Variants in OR2L13 observed in about 807,000 individuals in gnomAD.
OR2L13 encodes the protein olfactory receptor family 2 subfamily L member 13.
A neutral mutation model predicts 15.3 loss-of-function variants in OR2L13; 14 were observed. That is an observed-to-expected ratio of 0.91 (90% confidence interval 0.60 to 1.43). The LOEUF is 1.43. OR2L13 is among the 40% of genes most tolerant of loss of function. The probability of loss-of-function intolerance (pLI) is 0.00; values close to 1 mark genes in which losing one functional copy is unlikely to be tolerated. For missense variants in OR2L13, 367 were observed against 387.9 expected (o/e 0.95, Z 0.45); for synonymous variants, 152 against 142.9 (o/e 1.06, Z -0.45).
the OR2L13 span, chr1:247,949,073 C>T: frequency 7.4e-6 from 12 of 1,613,978 alleles, no homozygotes; most frequent in Non-Finnish European, 9.3e-6. Context: ...ACCTAAATTA[C>T]ATCTCCACCA....
the OR2L13 span, among the ~76,000 whole-genome samples, chr1:247,945,556 G>T: frequency 6.6e-6 from 1 of 152,134 alleles, no homozygotes; most frequent in East Asian, 1.9e-4. Flanking sequence ...GAATATCTTT[G>T]TTAATTCTCT....
At chr1:248,020,655 T>C in the OR2L13 span, among the ~76,000 whole-genome samples, 45 of 152,276 alleles carry the variant, frequency 3.0e-4, no homozygotes, top group African/African-American at 8.9e-4. Context: ...GACTGTGAGT[T>C]ACATTTTGTG....
the OR2L13 span, among the ~76,000 whole-genome samples, chr1:247,958,615 T>G: frequency 6.6e-6 from 1 of 152,200 alleles, no homozygotes. Context: ...GCTTTATGAA[T>G]CTGGGTGCTC....
the OR2L13 span, among the ~76,000 whole-genome samples, chr1:247,986,045 C>G: frequency 6.6e-6 from 1 of 152,050 alleles, no homozygotes; most frequent in Admixed American, 6.6e-5. Context: ...AAAAATTTCT[C>G]CCATTCCGTA....
chr1:248,021,169 C>G, the OR2L13 span, among the ~76,000 whole-genome samples: 1 of 152,022 alleles, frequency 6.6e-6, no homozygotes, highest in East Asian at 1.9e-4. Flanking sequence ...TCAAACATTC[C>G]TATCCTTTTG....
chr1:248,026,783 G>T, the OR2L13 span, among the ~76,000 whole-genome samples: 2 of 152,060 alleles, frequency 1.3e-5, no homozygotes, highest in South Asian at 2.1e-4. Flanking sequence ...CAATCAATAC[G>T]CTTGTGATTT....
the OR2L13 span, among the ~76,000 whole-genome samples, chr1:247,962,021 C>T: frequency 6.6e-6 from 1 of 152,202 alleles, no homozygotes; most frequent in Non-Finnish European, 1.5e-5. Flanking sequence ...CCAGTGTGAT[C>T]ATATGATCCC....
chr1:247,954,024 A>T, the OR2L13 span, among the ~76,000 whole-genome samples: 2 of 151,858 alleles, frequency 1.3e-5, no homozygotes, highest in South Asian at 4.2e-4. Context: ...TAGATTTCAC[A>T]CTCTTGTGAG....
the OR2L13 span, among the ~76,000 whole-genome samples, chr1:248,024,618 T>C: frequency 3.9e-5 from 6 of 152,204 alleles, no homozygotes; most frequent in Non-Finnish European, 8.8e-5. Flanking sequence ...TTCAGCTTTC[T>C]ACATATGGCT....
the OR2L13 span, among the ~76,000 whole-genome samples, chr1:248,088,990 C>A: frequency 2.6e-5 from 4 of 151,994 alleles, no homozygotes; most frequent in African/African-American, 4.8e-5. Flanking sequence ...TGACACTGAC[C>A]GGAGTCTGGA....
the OR2L13 span, among the ~76,000 whole-genome samples, chr1:248,067,688 A>G: frequency 3.3e-5 from 5 of 152,222 alleles, no homozygotes; most frequent in Non-Finnish European, 5.9e-5. Flanking sequence ...GAAGCAGGGC[A>G]AGGCATTGCC....
chr1:247,975,198 G>A, the OR2L13 span: 41 of 393,578 alleles, frequency 1.0e-4, 1 homozygote, highest in Middle Eastern at 1.1e-3. Context: ...GGGCTCTATC[G>A]ACACTTGTGC....
At chr1:248,002,820 T>G in the OR2L13 span, among the ~76,000 whole-genome samples, 2 of 149,226 alleles carry the variant, frequency 1.3e-5, no homozygotes, top group Non-Finnish European at 3.0e-5. Flanking sequence ...ATCGCACCAC[T>G]GCACTCCAGC....
At position 248,100,108 on chromosome 1, in the gene OR2L13, A is replaced by G; in HGVS notation, c.733A>G (p.Thr245Ala). ...CTTCACCACCATTTCAACACATTTA[A>G]CTGTAGTGATCTTTTACTATGCACC... The change falls in exon 3 of 3, where the codon ACT (threonine) becomes GCT (alanine). Residue 245 changes from threonine (T) to alanine (A), a missense_variant. By Grantham distance (58) the Thr-to-Ala change is moderately conservative. Transcript: ENST00000641714. The G allele has an allele frequency of 6.2e-7, 1 of 1,614,032 alleles. No homozygotes were observed. Among genetic ancestry groups the G allele is most frequent in the South Asian group, 1.1e-5 (1 of 91,074 alleles).
the OR2L13 span, chr1:248,022,720 A>G: frequency 2.5e-6 from 4 of 1,614,084 alleles, no homozygotes; most frequent in Admixed American, 1.7e-5. Flanking sequence ...GCTTATACCT[A>G]TCTATGTCCA....
the OR2L13 span, chr1:248,038,391 C>G: frequency 6.2e-7 from 1 of 1,613,380 alleles, no homozygotes. Flanking sequence ...AATTGGAAAT[C>G]TATCCATGAT....
chr1:247,982,105 G>A, the OR2L13 span, among the ~76,000 whole-genome samples: 9 of 152,264 alleles, frequency 5.9e-5, no homozygotes, highest in South Asian at 4.1e-4. Context: ...GTGAGCCACC[G>A]CGCCTGGCCC....
At chr1:248,022,805 C>G in the OR2L13 span, 1 of 1,613,772 alleles carries the variant, frequency 6.2e-7, no homozygotes, top group African/African-American at 1.3e-5. Context: ...TGCTCAACCC[C>G]ATCATCTACA....
At chr1:248,003,860 C>G in the OR2L13 span, 1 of 1,612,798 alleles carries the variant, frequency 6.2e-7, no homozygotes, top group Non-Finnish European at 8.5e-7. Flanking sequence ...CAGCACCCAC[C>G]TCACTGTAGT....
Sources: allele counts gnomAD v4.1 joint callset (sites outside exome capture counted in the v4.1 genomes callset), GRCh38; gene constraint gnomAD v4.1.1; transcripts MANE v1.5; gene names NCBI Gene and HGNC (gene_info 2026-07-23, HGNC 2026-07-21).